The following CFAP47 variants were observed in gnomAD, a reference collection of about 807,000 sequenced individuals.
The protein encoded by CFAP47 is cilia- and flagella-associated protein 47.
A neutral mutation model predicts 148.1 loss-of-function variants in CFAP47; 29 were observed. That is an observed-to-expected ratio of 0.20 (90% CI 0.15 to 0.27). The LOEUF (loss-of-function observed/expected upper bound fraction) is 0.27. CFAP47 is among the 10% of genes least tolerant of loss of function. The pLI, the probability that CFAP47 is intolerant of heterozygous loss-of-function variation, is 1.00. For synonymous variants in CFAP47, 664 were observed against 577.3 expected, an observed-to-expected ratio of 1.15 and a Z score of -2.15; for missense variants, 1,872 against 1,697.5, an observed-to-expected ratio of 1.10 and a Z score of -1.81.
At chrX:36,156,731 G>C (rs952030735) in intron 37 of CFAP47, among the ~76,000 whole-genome samples, 2 of 110,520 alleles carry the variant, frequency 1.8e-5, no homozygotes, top group Non-Finnish European at 3.8e-5. Context: ...TGGAGACTTA[G>C]GAAACTTACT....
intron 22 of CFAP47, among the ~76,000 whole-genome samples, chrX:36,024,740 C>T (rs977421705): frequency 6.3e-5 from 7 of 111,199 alleles, no homozygotes; most frequent in Non-Finnish European, 7.5e-5. Context: ...TACCGTACTG[C>T]CACTGCCGGG....
At chrX:36,276,085 C>G (rs1261903011) in intron 49 of CFAP47, among the ~76,000 whole-genome samples, 1 of 109,867 alleles carries the variant, frequency 9.1e-6, no homozygotes, top group Non-Finnish European at 1.9e-5. Flanking sequence ...ATTCATGTCA[C>G]TAGTCATGCA....
intron 15 of CFAP47, among the ~76,000 whole-genome samples, chrX:35,980,652 C>T (rs1041870190): frequency 2.5e-4 from 28 of 110,829 alleles, no homozygotes; most frequent in African/African-American, 8.9e-4. Context: ...GTTATGTCAT[C>T]AACAATTATT....
At chrX:36,168,616 A>G (rs757876358) in intron 39 of CFAP47, among the ~76,000 whole-genome samples, 1 of 110,835 alleles carries the variant, frequency 9.0e-6, no homozygotes, top group South Asian at 3.8e-4. Context: ...TGTGGAGAAC[A>G]GGGTCTCGCT....
chrX:35,979,812 T>C lies in CFAP47; in HGVS notation c.2713+3899T>C, dbSNP rs1348954244. On this transcript the variant is annotated intron_variant, in intron 15 of 63. Coordinates refer to ENST00000378653, the MANE Select transcript of CFAP47 (RefSeq NM_001304548.2). Reference sequence around the variant, plus strand: ...AGGCAGAAAAATATAAGAAGGTAGATTTTACCATGGCAGCCGTAAGGCAAG... The same window carrying C: ...AGGCAGAAAAATATAAGAAGGTAGACTTTACCATGGCAGCCGTAAGGCAAG... 2.7e-5 allele frequency among the ~76,000 whole-genome samples: 3 copies of C among 111,550 alleles called. No individual in the cohort carries two copies. The East Asian group carries it at 8.5e-4, about 32-fold the overall frequency.
intron 48 of CFAP47, among the ~76,000 whole-genome samples, chrX:36,249,748 C>T (rs782437709): frequency 2.7e-5 from 3 of 110,671 alleles, no homozygotes; most frequent in African/African-American, 9.8e-5. Flanking sequence ...GGATTATAGC[C>T]GAAATACTCT....
chrX:36,112,500 T>G (rs1286926425), intron 33 of CFAP47, among the ~76,000 whole-genome samples: 1 of 111,798 alleles, frequency 8.9e-6, no homozygotes, highest in African/African-American at 3.2e-5. Flanking sequence ...TTGCACTTGC[T>G]GAAGCGTGTT....
At chrX:36,211,390 A>G in intron 45 of CFAP47, 1 of 249,909 alleles carries the variant, frequency 4.0e-6, no homozygotes, top group Non-Finnish European at 7.7e-6. Context: ...AAGGATCTCA[A>G]TGCACCTAAG....
At position 35,975,222 on chromosome X, in the gene CFAP47, T is replaced by G; in HGVS notation, c.2330T>G (p.Leu777Arg). Residue 777 changes from leucine (L) to arginine (R), a missense_variant, in exon 14 of 64, where the codon CTA becomes CGA. Coordinates refer to ENST00000378653, the MANE Select transcript of CFAP47 (RefSeq NM_001304548.2). ...NTHLLHVINM[L>R]PMHVLLQLDT... ...CATCTACTTCATGTTATTAATATGC[T>G]ACCTATGCATGTTTTGCTCCAGTTA... The G allele has an allele frequency of 4.2e-6, 5 of 1,197,232 alleles. No homozygotes were observed. Among genetic ancestry groups the G allele is most frequent in the Non-Finnish European group, 5.7e-6 (5 of 882,877 alleles).
intron 2 of CFAP47, among the ~76,000 whole-genome samples, chrX:35,939,860 G>A (rs1482162094): frequency 1.0e-5 from 1 of 99,427 alleles, no homozygotes; most frequent in African/African-American, 3.7e-5. Flanking sequence ...GATCCCTGAG[G>A]AATCACCACA....
At position 36,047,009 on chromosome X, in the gene CFAP47, C is replaced by G. The variant is rs1018451295; in HGVS notation, c.4163C>G (p.Ser1388Cys). Reference sequence around the variant, plus strand: ...ACTTGCCACCTCAGTTTCAAGTCATCTAAACCTGTGTCATTTTTTACCAAT... The same window carrying G: ...ACTTGCCACCTCAGTTTCAAGTCATGTAAACCTGTGTCATTTTTTACCAAT... ...KLTCHLSFKS[S>C]KPVSFFTNLL... The change falls in exon 26 of 64, where the codon TCT becomes TGT. Residue 1388 changes from serine to cysteine, a missense_variant. Ser to Cys is a moderately radical substitution (Grantham distance 112, BLOSUM62 -1). Coordinates refer to ENST00000378653, the MANE Select transcript of CFAP47 (RefSeq NM_001304548.2). The G allele has an allele frequency of 2.0e-5, 23 of 1,163,022 alleles. No individual in the cohort carries two copies. In the Middle Eastern group the frequency reaches 9.3e-4, roughly 47 times the overall value.
At chrX:36,011,501 T>C (rs1203785322) in intron 21 of CFAP47, among the ~76,000 whole-genome samples, 1 of 112,010 alleles carries the variant, frequency 8.9e-6, no homozygotes, top group Non-Finnish European at 1.9e-5. Flanking sequence ...TTTGCATGTC[T>C]CAACCATAAT....
intron 33 of CFAP47, among the ~76,000 whole-genome samples, chrX:36,106,608 C>T (rs1437838503): frequency 9.0e-6 from 1 of 111,588 alleles, no homozygotes; most frequent in Non-Finnish European, 1.9e-5. Flanking sequence ...AAGAGATAAA[C>T]TCCCTCCATC....
chrX:36,051,043 G>A (rs1937518471), intron 26 of CFAP47, among the ~76,000 whole-genome samples: 1 of 112,209 alleles, frequency 8.9e-6, no homozygotes, highest in Non-Finnish European at 1.9e-5. Context: ...CCTAGATTTC[G>A]GATGATTTAT....
intron 42 of CFAP47, among the ~76,000 whole-genome samples, chrX:36,190,688 G>T (rs1939856074): frequency 9.0e-6 from 1 of 111,472 alleles, no homozygotes; most frequent in South Asian, 3.7e-4. Flanking sequence ...TTATGTCTCT[G>T]GGATCCATGC....
Position 36,237,251 on chromosome X carries a change from A to G in CFAP47, c.7332+392A>G, listed in dbSNP as rs185497462. Among the ~76,000 whole-genome samples, 587 of 112,596 alleles carry G rather than the reference A, an allele frequency of 5.2e-3. 1 individual carries two copies. The highest frequency in any genetic ancestry group is 0.018 in the African/African-American group (560 of 31,064). ...TCAGAAGTGTAGCCTATCATTTACC[A>G]GTGTAAATAATGGTGGAAATATTAA... On this transcript the variant is annotated intron_variant, in intron 48 of 63. Transcript: ENST00000378653.
intron 42 of CFAP47, among the ~76,000 whole-genome samples, chrX:36,192,812 G>A (rs1939879929): frequency 8.9e-6 from 1 of 111,945 alleles, no homozygotes; most frequent in South Asian, 3.7e-4. Flanking sequence ...GAAGAAGCCA[G>A]AAGGGAGGTC....
At chrX:35,962,757 C>T (rs752762003) in intron 8 of CFAP47, among the ~76,000 whole-genome samples, 9 of 110,960 alleles carry the variant, frequency 8.1e-5, no homozygotes, top group Non-Finnish European at 1.1e-4. Context: ...CTCCACCAAT[C>T]TCTGCTTTTT....
At chrX:36,282,066 A>G (rs2146945119) in intron 50 of CFAP47, among the ~76,000 whole-genome samples, 1 of 111,572 alleles carries the variant, frequency 9.0e-6, no homozygotes, top group African/African-American at 3.2e-5. Context: ...AGGAAAGAAA[A>G]AAGTTTTGGA....
Sources: gnomAD v4.1 joint callset for allele counts (sites outside exome capture counted in the v4.1 genomes callset) on GRCh38, gnomAD v4.1.1 for gene constraint, MANE v1.5 for transcripts, NCBI Gene and HGNC (gene_info 2026-07-23, HGNC 2026-07-21) for gene names.